The following DIP2A variants were observed in gnomAD, a reference collection of about 807,000 sequenced individuals.
DIP2A encodes disco-interacting protein 2 homolog A.
In DIP2A, 85 loss-of-function variants were observed where a neutral mutation model predicts 177.4. The ratio of observed to expected loss-of-function variants is 0.48; its 90% confidence interval spans 0.40 to 0.57. The LOEUF is 0.57. Ranked by LOEUF, DIP2A falls within the 20% of genes least tolerant of loss-of-function variation. The pLI, the probability that DIP2A is intolerant of heterozygous loss-of-function variation, is 0.00. For missense variants in DIP2A, 1,791 were observed against 2,100.2 expected (o/e 0.85, Z 2.88); for synonymous variants, 886 against 881.8 (o/e 1.00, Z -0.08).
At chr21:46,518,975 A>G (rs1259127587) in intron 8 of DIP2A, among the ~76,000 whole-genome samples, 1 of 152,232 alleles carries the variant, frequency 6.6e-6, no homozygotes, top group African/African-American at 2.4e-5. Context: ...ACTTAGAGTT[A>G]TTTCTTGACT....
chr21:46,511,513 C>T lies in DIP2A; in HGVS notation c.1001C>T (p.Ser334Leu), dbSNP rs1218876521. 40 of 1,612,708 alleles carry T rather than the reference C, an allele frequency of 2.5e-5. No homozygotes were observed. Among genetic ancestry groups the T allele is most frequent in the Non-Finnish European group, 3.2e-5 (38 of 1,179,428 alleles). The part of the protein sequence containing the change: ...PLTAGVPRPP[S>L]LLATLQRWGT... ...ACTGCAGGTGTCCCCCGACCGCCGT[C>T]GCTGTTGGCCACCTTGCAGCGCTGG... Residue 334 changes from serine to leucine, a missense_variant, in exon 8 of 38, where the codon TCG becomes TTG. Coordinates refer to ENST00000417564, the MANE Select transcript of DIP2A (RefSeq NM_015151.4).
chr21:46,494,573 C>T (rs116815251), intron 3 of DIP2A, among the ~76,000 whole-genome samples: 1,722 of 152,308 alleles, frequency 0.011, 30 homozygotes, highest in African/African-American at 0.039. Flanking sequence ...TAAAGAGAAA[C>T]TTCTGTTATT....
chr21:46,566,143 C>G (rs1207815866), intron 36 of DIP2A, among the ~76,000 whole-genome samples: 1 of 152,180 alleles, frequency 6.6e-6, no homozygotes. Context: ...CCAGGCTTCT[C>G]CCCGAGGCCA....
chr21:46,557,550 G>T lies in DIP2A; in HGVS notation c.3630-35G>T, dbSNP rs1396300161. On this transcript the variant is annotated intron_variant, in intron 30 of 37. Coordinates refer to ENST00000417564, the MANE Select transcript of DIP2A (RefSeq NM_015151.4). The surrounding 1 kb of genome is among the most constrained non-coding windows in gnomAD (Gnocchi z 6.0). ...AGTGGAGTGCCCAGGGTGCTGGGTGGGCGGGCGGAGCCTCACGAGCCTTCC... is the reference window on the plus strand; with the variant it reads ...AGTGGAGTGCCCAGGGTGCTGGGTGTGCGGGCGGAGCCTCACGAGCCTTCC... 1 of 1,583,874 alleles carries T rather than the reference G, an allele frequency of 6.3e-7. No individual in the cohort carries two copies. Among genetic ancestry groups the T allele is most frequent in the East Asian group, 2.3e-5 (1 of 44,038 alleles).
chr21:46,572,989 C>T (rs1028487744), downstream of DIP2A, among the ~76,000 whole-genome samples: 1 of 152,034 alleles, frequency 6.6e-6, no homozygotes, highest in Non-Finnish European at 1.5e-5. Flanking sequence ...GTGTTGTAGG[C>T]TAGGTTTGTG....
chr21:46,540,576 C>T (rs2059772625), intron 17 of DIP2A, among the ~76,000 whole-genome samples: 2 of 152,198 alleles, frequency 1.3e-5, no homozygotes, highest in Admixed American at 1.3e-4. Context: ...CTCACCTGCC[C>T]CACTCCCAGC....
intron 28 of DIP2A, 65 bp downstream of exon 28, chr21:46,554,998 C>T (rs2060412918): frequency 4.0e-6 from 6 of 1,484,730 alleles, no homozygotes; most frequent in Admixed American, 2.0e-5. Flanking sequence ...TGTGGTGTGG[C>T]CTGGCTGCCG....
chr21:46,501,956 A>G (rs944780873), intron 5 of DIP2A, among the ~76,000 whole-genome samples: 7 of 152,204 alleles, frequency 4.6e-5, no homozygotes, highest in African/African-American at 1.4e-4. Flanking sequence ...GATTTTTTCA[A>G]AAGGTATATT....
At chr21:46,508,154 C>T (rs895769626) in intron 6 of DIP2A, among the ~76,000 whole-genome samples, 1 of 151,860 alleles carries the variant, frequency 6.6e-6, no homozygotes, top group Non-Finnish European at 1.5e-5. Flanking sequence ...CCTTCTCAGC[C>T]TCCCAAGGAG....
chr21:46,546,337 C>T, intron 20 of DIP2A: 1 of 1,035,566 alleles, frequency 9.7e-7, no homozygotes, highest in Non-Finnish European at 1.2e-6. Flanking sequence ...CTCAACTGGG[C>T]AATTTTGCCC....
chr21:46,481,348 A>G (rs1234331616), intron 1 of DIP2A, among the ~76,000 whole-genome samples: 4 of 152,210 alleles, frequency 2.6e-5, no homozygotes, highest in African/African-American at 7.2e-5. Flanking sequence ...GTTACGTCAC[A>G]GTCTCTTCAT....
chr21:46,546,102 GC>G, intron 20 of DIP2A, 141 bp downstream of exon 20: 1 of 1,502,934 alleles, frequency 6.7e-7, no homozygotes, highest in East Asian at 2.4e-5. Flanking sequence ...TGACCTCCCT[GC>G]CCATCACCCT....
chr21:46,538,487 G>T lies in DIP2A; in HGVS notation c.1806G>T (p.Arg602=). 6.5e-7 allele frequency: 1 copy of T among 1,544,786 alleles called. No homozygotes were observed. The highest frequency in any genetic ancestry group is 8.7e-7 in the Non-Finnish European group (1 of 1,147,670). ...TGTGCCATCCTCTCTCTGCAGCTCG[G>T]GCCGCGCTGGTGAAGTCGCGAGACA... ...WIQKVCFYKA[R]AALVKSRDMH... The change falls in exon 16 of 38, where the codon CGG becomes CGT. Residue 602 remains arginine (R), a synonymous_variant. Coordinates refer to ENST00000417564, the MANE Select transcript of DIP2A (RefSeq NM_015151.4).
intron 5 of DIP2A, among the ~76,000 whole-genome samples, chr21:46,501,436 T>C (rs2057643530): frequency 6.6e-6 from 1 of 152,082 alleles, no homozygotes; most frequent in Admixed American, 6.6e-5. Flanking sequence ...TTTTTCCACC[T>C]AGAGACAGGG....
rs1479567659 is a variant in DIP2A at position 46,545,232 on chromosome 21, G to A, written c.2272G>A (p.Ala758Thr). Residue 758 changes from alanine (A) to threonine (T), a missense_variant, in exon 19 of 38, where the codon GCG (alanine) becomes ACG (threonine). Transcript: ENST00000417564. ...ICVSSSATGTAYYGLLGITKN... is the reference protein window; with the variant it reads ...ICVSSSATGTTYYGLLGITKN... The stretch of plus-strand genomic sequence containing the variant: ...CGTCAGTTCCAGTGCAACTGGCACA[G>A]CGTACTATGGATTGCTTGGAATCAC... 5.0e-6 allele frequency: 8 copies of A among 1,606,578 alleles called. No homozygotes were observed. Among genetic ancestry groups the A allele is most frequent in the Middle Eastern group, 1.6e-4 (1 of 6,068 alleles).
Position 46,498,664 on chromosome 21 carries a change from C to G in DIP2A, c.486C>G (p.Ser162Arg), listed in dbSNP as rs375805758. The G allele has an allele frequency of 6.2e-7, 1 of 1,613,620 alleles. No homozygotes were observed. The highest frequency in any genetic ancestry group is 1.3e-5 in the African/African-American group (1 of 74,922). Residue 162 changes from serine (S) to arginine (R), a missense_variant, in exon 5 of 38, where the codon AGC becomes AGG. Coordinates refer to ENST00000417564, the MANE Select transcript of DIP2A (RefSeq NM_015151.4). The surrounding 1 kb of genome is among the most constrained non-coding windows in gnomAD (Gnocchi z 4.3). ...LTSTPLQSHS[S>R]VEPWLDRVIQ... ...CCACTCCGCTCCAGAGCCATTCCAG[C>G]GTCGAGCCCTGGCTCGACCGGGTCA...
At position 46,550,037 on chromosome 21, in the gene DIP2A, C is replaced by G. The variant is rs1005451033; in HGVS notation, c.2637+152C>G. ...TTTTTCATTGCAAATTGACAAATTA[C>G]AGCTGTATGTATTTACGGGATACAA... is the stretch of plus-strand genomic sequence containing the variant. On this transcript the variant is annotated intron_variant, in intron 22 of 37. Transcript: ENST00000417564. 2.0e-6 allele frequency: 3 copies of G among 1,466,792 alleles called. No homozygotes were observed. The African/African-American group carries it at 4.2e-5, about 21-fold the overall frequency. 90.9% of individuals were successfully genotyped at this position (1,466,792 alleles called of 1,614,324 possible).
Position 46,547,047 on chromosome 21 carries a change from T to C in DIP2A, c.2522+5T>C. On this transcript the variant is annotated splice_donor_5th_base_variant and intron_variant, in intron 21 of 37. Coordinates refer to ENST00000417564, the MANE Select transcript of DIP2A (RefSeq NM_015151.4). ...GAAGTTTGTCTACAGAGGCAGGTGA[T>C]GCGCTGCGGACCCCCACGCCGGGAG... 1 of 1,613,362 alleles carries C rather than the reference T, an allele frequency of 6.2e-7. No homozygotes were observed. Among genetic ancestry groups the C allele is most frequent in the Non-Finnish European group, 8.5e-7 (1 of 1,179,370 alleles).
chr21:46,470,781 T>TAGCCAGGC lies in DIP2A; in HGVS notation c.91+11561_91+11568dup, dbSNP rs1323564354. ...TCTGTCTCAAAAAAAAAAAAAAAATTAGCCAGGCATGGTGGTGGGCACCTG... is the reference window on the plus strand; with the variant it reads ...TCTGTCTCAAAAAAAAAAAAAAAATTAGCCAGGCAGCCAGGCATGGTGGTGGGCACCTG... On this transcript the variant is annotated intron_variant, in intron 1 of 37. Transcript: ENST00000417564. Among the ~76,000 whole-genome samples, 23 of 147,064 alleles carry TAGCCAGGC rather than the reference T, an allele frequency of 1.6e-4. No homozygotes were observed. The East Asian group carries it at 4.7e-3, about 30-fold the overall frequency.
Sources: gnomAD v4.1 joint callset for allele counts (sites outside exome capture counted in the v4.1 genomes callset) on GRCh38, gnomAD v4.1.1 for gene constraint, Gnocchi (gnomAD v3.1) non-coding constraint, MANE v1.5 for transcripts, NCBI Gene and HGNC (gene_info 2026-07-23, HGNC 2026-07-21) for gene names.